OSBPL5: variants seen among roughly 807,000 people sequenced by gnomAD.
The protein encoded by OSBPL5 is oxysterol-binding protein-related protein 5.
In OSBPL5, 71 loss-of-function variants were observed where a neutral mutation model predicts 111.2. That is an observed-to-expected ratio of 0.64 (90% CI 0.53 to 0.78). The LOEUF is 0.78. Among genes scored for constraint, OSBPL5 ranks in the 30% least tolerant of loss-of-function variants. The pLI, the probability that OSBPL5 is intolerant of heterozygous loss-of-function variation, is 0.00. For missense variants in OSBPL5, 1,210 were observed against 1,189.3 expected (o/e 1.02, Z -0.26); for synonymous variants, 549 against 513.9 (o/e 1.07, Z -0.93).
rs1214739455 is a variant in OSBPL5 at position 3,103,844 on chromosome 11, C to T, written c.1244+349G>A. Among the ~76,000 whole-genome samples, 78 of 74,998 alleles carry T rather than the reference C, an allele frequency of 1.0e-3. 3 individuals are homozygous for T. Among genetic ancestry groups the T allele is most frequent in the African/African-American group, 1.6e-3 (36 of 22,578 alleles). The allele number at this position is 74,998 out of a possible 152,430, so 49.2% of individuals were successfully genotyped here. A position where few individuals can be genotyped will look rare whatever the true frequency, so the allele number is the denominator to read the frequency against. Reference sequence around the variant, plus strand: ...CGCAGCCCCCTTCCAGCCTCTGCAGCCCCTTTCCAGTCTGCGCAGCCCCCT... The same window carrying T: ...CGCAGCCCCCTTCCAGCCTCTGCAGTCCCTTTCCAGTCTGCGCAGCCCCCT... On this transcript the variant is annotated intron_variant, in intron 10 of 21. Transcript: ENST00000263650.
intron 17 of OSBPL5, 119 bp from the exon 18 acceptor site, chr11:3,093,171 T>A: frequency 9.3e-7 from 1 of 1,073,026 alleles, no homozygotes; most frequent in Non-Finnish European, 1.3e-6. Context: ...CGTGATTGCC[T>A]ACAGTGACAG....
intron 7 of OSBPL5, among the ~76,000 whole-genome samples, chr11:3,112,054 TGC>T (rs1857989238): frequency 2.9e-5 from 1 of 33,968 alleles, no homozygotes; most frequent in Non-Finnish European, 8.7e-5. Flanking sequence ...CGCATGTGTG[TGC>T]ATGTGTATGT....
In OSBPL5 at chr11:3,141,679, G is replaced by A. The variant is rs938131663; in HGVS notation, c.-21-12510C>T. Among the ~76,000 whole-genome samples the A allele has an allele frequency of 2.0e-5, 3 of 152,146 alleles. No individual in the cohort carries two copies. The highest frequency in any genetic ancestry group is 7.2e-5 in the African/African-American group (3 of 41,408). ...CTCGCTCAATGCATTGCCAAGTTGC[G>A]ATTCTCATGCATCCCAGTGCTTTGC... On this transcript the variant is annotated intron_variant, in intron 1 of 21. Transcript: ENST00000263650. The surrounding 1 kb of genome is among the most constrained non-coding windows in gnomAD (Gnocchi z 6.5).
rs563080709 is a variant in OSBPL5, at chr11:3,094,318, C to T, written c.1638G>A (p.Thr546=). The stretch of plus-strand genomic sequence containing the variant: ...CCTTCCCACCCAGCTCCAGGGTCAT[C>T]GTGCCATACAGGATTCCTGAAATGC... The part of the protein sequence containing the change: ...YAHCKGILYG[T]MTLELGGKVT... The change falls in exon 15 of 22, where the codon ACG becomes ACA. Residue 546 remains threonine, a synonymous_variant. Coordinates refer to ENST00000263650, the MANE Select transcript of OSBPL5 (RefSeq NM_020896.4). The T allele has an allele frequency of 5.6e-6, 9 of 1,613,454 alleles. No individual in the cohort carries two copies. The highest frequency in any genetic ancestry group is 1.3e-5 in the African/African-American group (1 of 75,064).
rs1227210151 is a variant in OSBPL5 at position 3,107,970 on chromosome 11, G to A, written c.692-25C>T. On this transcript the variant is annotated intron_variant, in intron 7 of 21. Coordinates refer to ENST00000263650, the MANE Select transcript of OSBPL5 (RefSeq NM_020896.4). The surrounding 1 kb of genome is among the most constrained non-coding windows in gnomAD (Gnocchi z 6.1). ...CCTGCGGGGCACACGGGATGAGCATGCCCCACCCCCACCTCTGTATATCCC... is the reference window on the plus strand; with the variant it reads ...CCTGCGGGGCACACGGGATGAGCATACCCCACCCCCACCTCTGTATATCCC... 4 of 1,591,808 alleles carry A rather than the reference G, an allele frequency of 2.5e-6. No individual in the cohort carries two copies. Among genetic ancestry groups the A allele is most frequent in the Non-Finnish European group, 3.4e-6 (4 of 1,177,140 alleles).
chr11:3,114,755 C>T (rs1006226089), intron 7 of OSBPL5, among the ~76,000 whole-genome samples: 9 of 151,576 alleles, frequency 5.9e-5, no homozygotes, highest in Non-Finnish European at 1.2e-4. Context: ...CCCGCCACCA[C>T]GCCTGGCTAA....
At chr11:3,160,970 T>C (rs1231501751) in intron 1 of OSBPL5, 1 of 151,804 alleles carries the variant, frequency 6.6e-6, no homozygotes, top group Non-Finnish European at 1.5e-5. Context: ...CAAGCTGGGG[T>C]GGTGCTTCTG....
Position 3,088,120 on chromosome 11 carries a change from C to G in OSBPL5, c.*85G>C. On this transcript the variant is annotated 3_prime_UTR_variant, in exon 22 of 22. Coordinates refer to ENST00000263650, the MANE Select transcript of OSBPL5 (RefSeq NM_020896.4). The stretch of plus-strand genomic sequence containing the variant: ...CACAGTGGCTGTGCTTGCCGGGCCT[C>G]TCTGCCTCCATGGAGCAGGCTTAAA... The G allele has an allele frequency of 2.3e-6, 3 of 1,315,788 alleles. No individual in the cohort carries two copies. Among genetic ancestry groups the G allele is most frequent in the Non-Finnish European group, 3.0e-6 (3 of 993,982 alleles). The allele number at this position is 1,315,788 out of a possible 1,614,324, so 81.5% of individuals were successfully genotyped here.
At chr11:3,151,213 G>A (rs1242929249) in intron 1 of OSBPL5, among the ~76,000 whole-genome samples, 2 of 152,130 alleles carry the variant, frequency 1.3e-5, no homozygotes, top group Admixed American at 6.5e-5. Flanking sequence ...CAGAGCCTTC[G>A]GAGGGAGCGC....
intron 1 of OSBPL5, among the ~76,000 whole-genome samples, chr11:3,153,787 G>A (rs913263238): frequency 1.3e-4 from 20 of 152,280 alleles, no homozygotes; most frequent in African/African-American, 4.8e-4. Context: ...CGACTCCCGA[G>A]TGGCCCACCA....
Position 3,104,447 on chromosome 11 carries a change from A to G in OSBPL5, c.1060-70T>C. 1 of 1,547,420 alleles carries G rather than the reference A, an allele frequency of 6.5e-7. No homozygotes were observed. Among genetic ancestry groups the G allele is most frequent in the Non-Finnish European group, 8.7e-7 (1 of 1,148,692 alleles). On this transcript the variant is annotated intron_variant, in intron 9 of 21. Coordinates refer to ENST00000263650, the MANE Select transcript of OSBPL5 (RefSeq NM_020896.4). This position sits in a 1 kb window ranked among gnomAD's most constrained non-coding sequence, Gnocchi z 5.0. ...GAGGAAGGGGTGGCGGGACAGTGGC[A>G]GCTCTGGCTGGAGGAGGCTGTACCT...
chr11:3,128,181 C>T (rs1210406997), intron 2 of OSBPL5, among the ~76,000 whole-genome samples: 3 of 152,238 alleles, frequency 2.0e-5, no homozygotes, highest in Non-Finnish European at 4.4e-5. Context: ...ACACGCCCCT[C>T]GAGCCTGGGT....
rs1450000933 is a variant in OSBPL5 at position 3,130,830 on chromosome 11, A to T, written c.-21-1661T>A. 6.6e-6 allele frequency among the ~76,000 whole-genome samples: 1 copy of T among 152,140 alleles called. No homozygotes were observed. Among genetic ancestry groups the T allele is most frequent in the African/African-American group, 2.4e-5 (1 of 41,416 alleles). ...ATGGGAAGTCCTGCCCCTACTTGTC[A>T]ATCACAACAAACACGTCCTACTTGC... is the stretch of plus-strand genomic sequence containing the variant. On this transcript the variant is annotated intron_variant, in intron 1 of 21. Transcript: ENST00000263650. This position sits in a 1 kb window ranked among gnomAD's most constrained non-coding sequence, Gnocchi z 4.5.
rs549339222 is a variant in OSBPL5 at position 3,089,909 on chromosome 11, C to T, written c.2438G>A (p.Arg813Gln). ...SPCPRCRKEA[R>Q]RLQALHEAIL... is the part of the protein sequence containing the mutation. ...GGCCTCGTGCAGGGCCTGCAGCCGCCGCGCCTCCTTCCTGCACCGAGGGCA... is the reference window on the plus strand; with the variant it reads ...GGCCTCGTGCAGGGCCTGCAGCCGCTGCGCCTCCTTCCTGCACCGAGGGCA... The change falls in exon 21 of 22, where the codon CGG becomes CAG. Residue 813 changes from arginine to glutamine, a missense_variant. By Grantham distance (43) the Arg-to-Gln change is conservative. Coordinates refer to ENST00000263650, the MANE Select transcript of OSBPL5 (RefSeq NM_020896.4). 30 of 1,566,506 alleles carry T rather than the reference C, an allele frequency of 1.9e-5. No individual in the cohort carries two copies. The highest frequency in any genetic ancestry group is 1.5e-4 in the Admixed American group (8 of 53,608).
intron 11 of OSBPL5, among the ~76,000 whole-genome samples, chr11:3,102,992 T>A (rs939879032): frequency 1.3e-5 from 2 of 152,182 alleles, no homozygotes; most frequent in African/African-American, 4.8e-5. Flanking sequence ...GGGGTCCAGC[T>A]TGGGGCCTTG....
intron 13 of OSBPL5, among the ~76,000 whole-genome samples, 180 bp downstream of exon 13, chr11:3,101,423 G>A (rs1362750425): frequency 5.3e-5 from 8 of 152,072 alleles, no homozygotes; most frequent in Non-Finnish European, 7.4e-5. Flanking sequence ...GGGGAGCTGC[G>A]GGCAGCTCTG....
At chr11:3,090,847 T>A in intron 19 of OSBPL5, 151 bp from the exon 20 acceptor site, 1 of 1,022,500 alleles carries the variant, frequency 9.8e-7, no homozygotes, top group Non-Finnish European at 1.4e-6. Flanking sequence ...GCTGGAGGGG[T>A]CTGTCTCAGC....
At chr11:3,136,861 C>A (rs140780891) in intron 1 of OSBPL5, among the ~76,000 whole-genome samples, 2 of 152,354 alleles carry the variant, frequency 1.3e-5, no homozygotes, top group Middle Eastern at 3.4e-3. Context: ...GCAGGAACTC[C>A]GCAGCCAGCC....
chr11:3,098,602 T>TAA (rs1857357501), intron 14 of OSBPL5, among the ~76,000 whole-genome samples: 3 of 145,350 alleles, frequency 2.1e-5, no homozygotes, highest in African/African-American at 7.8e-5. Context: ...AACTCCCGGG[T>TAA]TCAAGTGATT....
Sources: allele counts gnomAD v4.1 joint callset (sites outside exome capture counted in the v4.1 genomes callset), GRCh38; gene constraint gnomAD v4.1.1; non-coding constraint Gnocchi (gnomAD v3.1); transcripts MANE v1.5; gene names NCBI Gene and HGNC (gene_info 2026-07-23, HGNC 2026-07-21).